The following R3HDM1 variants were observed in gnomAD, a reference collection of about 807,000 sequenced individuals.
R3HDM1 encodes R3H domain containing 1.
In R3HDM1, 46 loss-of-function variants were observed where a neutral mutation model predicts 141.1. The observed-to-expected ratio is 0.33, with a 90% CI of 0.26 to 0.42. The LOEUF is 0.42. Ranked by LOEUF, R3HDM1 falls within the 10% of genes least tolerant of loss-of-function variation. The pLI is 1.00. For synonymous variants in R3HDM1, 435 were observed against 472.9 expected (o/e 0.92, Z 1.04); for missense variants, 1,184 against 1,368.3 (o/e 0.87, Z 2.12).
In R3HDM1 at chr2:135,614,580, A is replaced by T. The variant is rs138988798; in HGVS notation, c.172-1572A>T. ...ATGGTTACCCACTAATAAGAAGCAA[A>T]TTCAAAAATTTAAGTCCAGCTTTTC... On this transcript the variant is annotated intron_variant, in intron 3 of 26. Coordinates refer to ENST00000683871, the MANE Select transcript of R3HDM1 (RefSeq NM_001378107.1). 1.6e-3 allele frequency among the ~76,000 whole-genome samples: 238 copies of T among 152,372 alleles called. 2 individuals carry two copies. Among genetic ancestry groups the T allele is most frequent in the Admixed American group, 3.4e-3 (52 of 15,304 alleles).
intron 19 of R3HDM1, chr2:135,669,566 A>G (rs2068017589): frequency 1.0e-6 from 1 of 985,328 alleles, no homozygotes. Flanking sequence ...TTATTTGAAC[A>G]ATATTACTGT....
At chr2:135,535,499 A>AAAATAAAT (rs3050151) in intron 1 of R3HDM1, among the ~76,000 whole-genome samples, 2,910 of 143,812 alleles carry the variant, frequency 0.02, 94 homozygotes, top group African/African-American at 0.063. Flanking sequence ...CTTTGTCTCA[A>AAAATAAAT]AAATAAATAA....
chr2:135,708,438 C>T (rs1012865502), intron 21 of R3HDM1, among the ~76,000 whole-genome samples: 6 of 152,078 alleles, frequency 3.9e-5, no homozygotes, highest in African/African-American at 9.7e-5. Context: ...TGCAATTATA[C>T]GAGACACAGG....
At chr2:135,534,207 C>T (rs1486499875) in intron 1 of R3HDM1, among the ~76,000 whole-genome samples, 1 of 152,164 alleles carries the variant, frequency 6.6e-6, no homozygotes, top group Non-Finnish European at 1.5e-5. Flanking sequence ...TAGTGTACTC[C>T]ATGTAGTGGT....
At chr2:135,551,911 A>G (rs1025744204) in intron 1 of R3HDM1, among the ~76,000 whole-genome samples, 1 of 152,240 alleles carries the variant, frequency 6.6e-6, no homozygotes, top group African/African-American at 2.4e-5. Flanking sequence ...TAATATGAAA[A>G]TGATAGTTCA....
intron 21 of R3HDM1, among the ~76,000 whole-genome samples, chr2:135,690,463 A>T (rs985938108): frequency 1.3e-5 from 2 of 152,192 alleles, no homozygotes. Flanking sequence ...TTATACACTT[A>T]AAACTCTGTG....
rs181890085 is a variant in R3HDM1, at chr2:135,553,024, A to C, written c.-250+21391A>C. Reference sequence around the variant, plus strand: ...CTCCTTAATAGCCGGGACCACAGACATGTGCCACCGCATCCAGTTAATTTT... The same window carrying C: ...CTCCTTAATAGCCGGGACCACAGACCTGTGCCACCGCATCCAGTTAATTTT... On this transcript the variant is annotated intron_variant, in intron 1 of 26. Coordinates refer to ENST00000683871, the MANE Select transcript of R3HDM1 (RefSeq NM_001378107.1). 2.2e-4 allele frequency among the ~76,000 whole-genome samples: 34 copies of C among 152,096 alleles called. No individual in the cohort carries two copies. In the East Asian group the frequency reaches 6.2e-3, roughly 28 times the overall value.
At chr2:135,628,311 A>C (rs2062256959) in intron 7 of R3HDM1, among the ~76,000 whole-genome samples, 1 of 152,056 alleles carries the variant, frequency 6.6e-6, no homozygotes, top group African/African-American at 2.4e-5. Flanking sequence ...GAAAGTTGTC[A>C]TTCTTGTTTT....
intron 3 of R3HDM1, 133 bp downstream of exon 3, chr2:135,605,149 T>G (rs2059937417): frequency 2.7e-6 from 2 of 734,738 alleles, no homozygotes; most frequent in Admixed American, 6.2e-5. Flanking sequence ...ACTAGCTGGT[T>G]TTGGAGCCAG....
chr2:135,590,005 G>A (rs939951153), intron 1 of R3HDM1, among the ~76,000 whole-genome samples: 1 of 152,080 alleles, frequency 6.6e-6, no homozygotes, highest in Admixed American at 6.6e-5. Flanking sequence ...GAACATACAC[G>A]TGTGAGTAAG....
At chr2:135,607,411 T>C in intron 3 of R3HDM1, 1 of 837,668 alleles carries the variant, frequency 1.2e-6, no homozygotes, top group Non-Finnish European at 1.4e-6. Context: ...AAAAAAGCAT[T>C]TAGGCCCCAC....
At chr2:135,671,527 G>A (rs1368626425) in intron 19 of R3HDM1, among the ~76,000 whole-genome samples, 3 of 151,706 alleles carry the variant, frequency 2.0e-5, no homozygotes, top group Non-Finnish European at 4.4e-5. Context: ...GCGCCACCAC[G>A]CCTGGCTAAT....
intron 3 of R3HDM1, among the ~76,000 whole-genome samples, chr2:135,608,789 A>G (rs2060286647): frequency 6.6e-6 from 1 of 152,120 alleles, no homozygotes; most frequent in Non-Finnish European, 1.5e-5. Flanking sequence ...TTTTGGATAA[A>G]CTATTATTTT....
At chr2:135,577,111 T>G in intron 1 of R3HDM1, 1 of 961,562 alleles carries the variant, frequency 1.0e-6, no homozygotes, top group Non-Finnish European at 1.2e-6. Context: ...AAAGACCATA[T>G]AAGAAAACCC....
At chr2:135,628,622 G>A (rs1054405625) in intron 7 of R3HDM1, among the ~76,000 whole-genome samples, 2 of 152,040 alleles carry the variant, frequency 1.3e-5, no homozygotes, top group African/African-American at 2.4e-5. Context: ...TTTCTTGTTT[G>A]TTTGTTTGTT....
intron 1 of R3HDM1, among the ~76,000 whole-genome samples, chr2:135,562,063 A>G (rs1701903149): frequency 6.6e-6 from 1 of 152,228 alleles, no homozygotes; most frequent in African/African-American, 2.4e-5. Flanking sequence ...TACCGTTAAC[A>G]CAGTGAATGG....
intron 1 of R3HDM1, among the ~76,000 whole-genome samples, chr2:135,552,794 T>G (rs1180317273): frequency 4.6e-5 from 7 of 152,236 alleles, no homozygotes; most frequent in Non-Finnish European, 1.0e-4. Flanking sequence ...AATTTCTTAC[T>G]CATTGTGCAA....
At position 135,709,503 on chromosome 2, in the gene R3HDM1, A is replaced by T. The variant is rs758713078; in HGVS notation, c.2530A>T (p.Ser844Cys). 1 of 1,614,164 alleles carries T rather than the reference A, an allele frequency of 6.2e-7. No homozygotes were observed. Among genetic ancestry groups the T allele is most frequent in the Admixed American group, 1.7e-5 (1 of 60,018 alleles). The change falls in exon 22 of 27, where the codon AGT (serine) becomes TGT (cysteine). Residue 844 changes from serine (S) to cysteine (C), a missense_variant. Coordinates refer to ENST00000683871, the MANE Select transcript of R3HDM1 (RefSeq NM_001378107.1). ...ATTTCCTCGAACCACTTCACCATGC[A>T]GTTCCCAGCAGCTTCAAGGCCACCA... Reference protein sequence around the residue: ...VQFPRTTSPCSSQQLQGHQCT... With the variant: ...VQFPRTTSPCCSQQLQGHQCT...
intron 16 of R3HDM1, among the ~76,000 whole-genome samples, chr2:135,646,728 A>G (rs2064476606): frequency 6.6e-6 from 1 of 151,676 alleles, no homozygotes; most frequent in Non-Finnish European, 1.5e-5. Context: ...ATGCACCTAT[A>G]GTCTCAGCTA....
Sources: gnomAD v4.1 joint callset for allele counts (sites outside exome capture counted in the v4.1 genomes callset) on GRCh38, gnomAD v4.1.1 for gene constraint, MANE v1.5 for transcripts, NCBI Gene and HGNC (gene_info 2026-07-23, HGNC 2026-07-21) for gene names.